ADAM2: variants seen among roughly 807,000 people sequenced by gnomAD.
ADAM2 encodes the protein ADAM metallopeptidase domain 2.
A neutral mutation model predicts 99.3 loss-of-function variants in ADAM2; 101 were observed. The observed-to-expected ratio is 1.02, with a 90% confidence interval of 0.87 to 1.20. The LOEUF (loss-of-function observed/expected upper bound fraction) is 1.20, where lower values mean the gene tolerates loss of function less well. ADAM2 is among the 50% of genes most tolerant of loss of function. ADAM2 has a pLI of 0.00. For synonymous variants in ADAM2, 323 were observed against 287.6 expected, an observed-to-expected ratio of 1.12 and a Z score of -1.25; for missense variants, 948 against 878.7, an observed-to-expected ratio of 1.08 and a Z score of -1.00.
At chr8:39,787,141 T>G (rs1563357101) in intron 9 of ADAM2, 86 bp from the exon 10 acceptor site, 1 of 758,742 alleles carries the variant, frequency 1.3e-6, no homozygotes, top group Non-Finnish European at 2.1e-6. Flanking sequence ...TTTATGATAA[T>G]CATTAATATT....
chr8:39,746,723 CT>C, intron 18 of ADAM2, 92 bp from the exon 19 acceptor site: 1 of 995,892 alleles, frequency 1.0e-6, no homozygotes, highest in Non-Finnish European at 1.5e-6. Flanking sequence ...AAAATAAAAT[CT>C]TTGAACAATT....
chr8:39,807,605 C>T (rs552240011), intron 7 of ADAM2, among the ~76,000 whole-genome samples: 1 of 152,144 alleles, frequency 6.6e-6, no homozygotes, highest in East Asian at 1.9e-4. Context: ...GATTAGTGCC[C>T]TTATGGGAAG....
At chr8:39,772,316 T>A (rs933640999) in intron 11 of ADAM2, among the ~76,000 whole-genome samples, 1 of 151,944 alleles carries the variant, frequency 6.6e-6, no homozygotes, top group Non-Finnish European at 1.5e-5. Context: ...TTTTAATAAA[T>A]GAGTGAACAT....
At chr8:39,756,583 G>C (rs1211965126) in intron 15 of ADAM2, among the ~76,000 whole-genome samples, 1 of 152,162 alleles carries the variant, frequency 6.6e-6, no homozygotes, top group Non-Finnish European at 1.5e-5. Context: ...TGTTGAGATA[G>C]ACAACATATG....
intron 6 of ADAM2, 136 bp downstream of exon 6, chr8:39,820,866 G>C: frequency 4.0e-6 from 2 of 502,104 alleles, no homozygotes; most frequent in South Asian, 8.9e-5. Flanking sequence ...TGAAGTTTCT[G>C]GTACATGTAT....
chr8:39,776,649 T>G (rs1803001411), intron 11 of ADAM2, among the ~76,000 whole-genome samples: 5 of 152,144 alleles, frequency 3.3e-5, no homozygotes, highest in Admixed American at 3.3e-4. Context: ...AATCAACAGA[T>G]GCTGAGACTT....
chr8:39,780,348 C>T (rs1203702520), intron 10 of ADAM2, among the ~76,000 whole-genome samples: 1 of 152,056 alleles, frequency 6.6e-6, no homozygotes, highest in Non-Finnish European at 1.5e-5. Context: ...CAAACCATAT[C>T]AAAGAGCATT....
At chr8:39,817,236 G>C (rs550951403) in intron 6 of ADAM2, among the ~76,000 whole-genome samples, 1 of 152,260 alleles carries the variant, frequency 6.6e-6, no homozygotes, top group East Asian at 1.9e-4. Context: ...TTATGTAAGT[G>C]TGTGCATTAA....
At chr8:39,787,573 C>T (rs541633001) in intron 9 of ADAM2, among the ~76,000 whole-genome samples, 1 of 72,412 alleles carries the variant, frequency 1.4e-5, no homozygotes, top group South Asian at 5.1e-4. Flanking sequence ...TATATACACA[C>T]ATAATATATG....
intron 5 of ADAM2, 70 bp downstream of exon 5, chr8:39,821,516 T>C (rs1805187174): frequency 1.6e-6 from 2 of 1,213,820 alleles, no homozygotes; most frequent in Non-Finnish European, 2.3e-6. Context: ...CTGAATATTA[T>C]GTTAAAATGT....
intron 6 of ADAM2, among the ~76,000 whole-genome samples, chr8:39,810,481 A>G (rs1804650181): frequency 6.6e-6 from 1 of 152,212 alleles, no homozygotes; most frequent in Admixed American, 6.5e-5. Flanking sequence ...CAGAATATAC[A>G]TTCTTCTCAG....
intron 7 of ADAM2, among the ~76,000 whole-genome samples, chr8:39,802,049 G>A (rs1355766970): frequency 6.6e-6 from 1 of 152,204 alleles, no homozygotes; most frequent in Non-Finnish European, 1.5e-5. Flanking sequence ...AGTTAGGTAG[G>A]CTTAAGCATA....
At position 39,793,829 on chromosome 8, in the gene ADAM2, A is replaced by G. The variant is rs78956859; in HGVS notation, c.571-5089T>C. On this transcript the variant is annotated intron_variant, in intron 7 of 20. Coordinates refer to ENST00000265708, the MANE Select transcript of ADAM2 (RefSeq NM_001464.5). ...GGACATTAACTAAAGCTGCCATGTCACATTTCCTCAGACTAAGGAAAGTCT... is the reference window on the plus strand; with the variant it reads ...GGACATTAACTAAAGCTGCCATGTCGCATTTCCTCAGACTAAGGAAAGTCT... 2.2e-3 allele frequency among the ~76,000 whole-genome samples: 337 copies of G among 152,232 alleles called. 3 individuals are homozygous for G. Among genetic ancestry groups the G allele is most frequent in the East Asian group, 0.021 (110 of 5,178 alleles).
rs1472182051 is a variant in ADAM2, at chr8:39,788,735, A to C, written c.576T>G (p.Asn192Lys). The C allele has an allele frequency of 6.6e-7, 1 of 1,507,602 alleles. No individual in the cohort carries two copies. The highest frequency in any genetic ancestry group is 9.0e-7 in the Non-Finnish European group (1 of 1,111,174). 93.4% of individuals were successfully genotyped at this position (1,507,602 alleles called of 1,614,324 possible). A position where few individuals can be genotyped will look rare whatever the true frequency, so the allele number is the denominator to read the frequency against. The change falls in exon 8 of 21, where the codon AAT (asparagine) becomes AAG (lysine). Residue 192 changes from asparagine (N) to lysine (K), a missense_variant. Asn to Lys is a moderately conservative substitution (Grantham distance 94). Transcript: ENST00000265708. ...MHVIVEKQLYNHMGSDTTVVA... is the reference protein window; with the variant it reads ...MHVIVEKQLYKHMGSDTTVVA... ...CAACAGTTGTATCAGACCCCATATG[A>C]TTATACTGTAAAATATTATTACATT...
chr8:39,834,085 C>T (rs1805723528), intron 2 of ADAM2, 86 bp from the exon 3 acceptor site: 1 of 672,974 alleles, frequency 1.5e-6, no homozygotes, highest in Admixed American at 2.7e-5. Flanking sequence ...ATGATAATTG[C>T]ATTCTAAAAC....
intron 7 of ADAM2, among the ~76,000 whole-genome samples, chr8:39,797,262 C>T (rs1804001093): frequency 6.6e-6 from 1 of 152,176 alleles, no homozygotes; most frequent in African/African-American, 2.4e-5. Flanking sequence ...CAGTTTTCTG[C>T]ATATGGCTAG....
intron 7 of ADAM2, among the ~76,000 whole-genome samples, chr8:39,791,797 T>A (rs1375717926): frequency 6.6e-6 from 1 of 152,064 alleles, no homozygotes; most frequent in Non-Finnish European, 1.5e-5. Context: ...TCTCTCCTCC[T>A]TGTTTCTTAT....
Position 39,823,212 on chromosome 8 carries a change from G to T in ADAM2, c.268-1550C>A, listed in dbSNP as rs117342006. ...GAATGGCTTACACTTGTCCTACTCT[G>T]GATGCAGGGAACAAACTCTTTCCTG... On this transcript the variant is annotated intron_variant, in intron 4 of 20. Transcript: ENST00000265708. 3.8e-3 allele frequency among the ~76,000 whole-genome samples: 581 copies of T among 152,266 alleles called. 4 individuals carry two copies. The highest frequency in any genetic ancestry group is 0.037 in the Middle Eastern group (11 of 294).
intron 18 of ADAM2, among the ~76,000 whole-genome samples, chr8:39,746,987 TG>T (rs1363724947): frequency 6.6e-6 from 1 of 152,178 alleles, no homozygotes; most frequent in Non-Finnish European, 1.5e-5. Context: ...TCCCCACCAC[TG>T]TTTTCTGAAA....
Sources: allele counts gnomAD v4.1 joint callset (sites outside exome capture counted in the v4.1 genomes callset), GRCh38; gene constraint gnomAD v4.1.1; transcripts MANE v1.5; gene names NCBI Gene and HGNC (gene_info 2026-07-23, HGNC 2026-07-21).